Variants in TMEM178B observed in about 807,000 individuals in gnomAD.
TMEM178B encodes the protein transmembrane protein 178B.
A neutral mutation model predicts 31.0 loss-of-function variants in TMEM178B; 5 were observed. The ratio of observed to expected loss-of-function variants is 0.16; its 90% confidence interval spans 0.08 to 0.34. The LOEUF is 0.34. Ranked by LOEUF, TMEM178B falls within the 10% of genes least tolerant of loss-of-function variation. The pLI is 1.00. For synonymous variants in TMEM178B, 164 were observed against 164.0 expected, an observed-to-expected ratio of 1.00 and a Z score of 0.00; for missense variants, 275 against 400.3, an observed-to-expected ratio of 0.69 and a Z score of 2.67.
At position 141,074,165 on chromosome 7, in the gene TMEM178B, T is replaced by C. The variant is rs1456993164; in HGVS notation, c.-146T>C. On this transcript the variant is annotated 5_prime_UTR_variant, in exon 1 of 4. Transcript: ENST00000565468. This position sits in a 1 kb window ranked among gnomAD's most constrained non-coding sequence, Gnocchi z 5.1. ...CCGCAGTCCCCGGGCCGTGCTCCGG[T>C]AGGCGGGGGCCGAGGGGGCGCCGCG... is the stretch of plus-strand genomic sequence containing the variant. The C allele has an allele frequency of 3.0e-5, 36 of 1,212,296 alleles. No individual in the cohort carries two copies. Among genetic ancestry groups the C allele is most frequent in the Non-Finnish European group, 3.9e-5 (36 of 916,868 alleles). 75.1% of individuals were successfully genotyped at this position (1,212,296 alleles called of 1,614,324 possible).
At chr7:141,433,653 A>T (rs913448727) in intron 2 of TMEM178B, among the ~76,000 whole-genome samples, 1 of 151,844 alleles carries the variant, frequency 6.6e-6, no homozygotes, top group Non-Finnish European at 1.5e-5. Flanking sequence ...AATGCAGCTC[A>T]CTCTTCTTGT....
At chr7:141,356,353 C>T (rs1443014685) in intron 2 of TMEM178B, among the ~76,000 whole-genome samples, 4 of 150,540 alleles carry the variant, frequency 2.7e-5, no homozygotes. Context: ...TAAGCTTTCT[C>T]TTTTCTCTGA....
At chr7:141,451,571 C>G (rs2116704399) in intron 3 of TMEM178B, among the ~76,000 whole-genome samples, 1 of 152,244 alleles carries the variant, frequency 6.6e-6, no homozygotes, top group African/African-American at 2.4e-5. Context: ...GGCTGTGATC[C>G]TCAAACAGCT....
At chr7:141,139,755 C>G (rs971416466) in intron 1 of TMEM178B, among the ~76,000 whole-genome samples, 1 of 150,708 alleles carries the variant, frequency 6.6e-6, no homozygotes, top group South Asian at 2.1e-4. Flanking sequence ...TCTTGGTGAA[C>G]TTAGAATGAA....
intron 2 of TMEM178B, among the ~76,000 whole-genome samples, chr7:141,410,028 C>T (rs777626378): frequency 9.2e-5 from 14 of 152,328 alleles, no homozygotes; most frequent in Middle Eastern, 3.4e-3. Flanking sequence ...GGCCATGGGC[C>T]GCCTGTCTCC....
chr7:141,233,938 G>T (rs1201514963), intron 2 of TMEM178B, among the ~76,000 whole-genome samples: 6 of 152,184 alleles, frequency 3.9e-5, no homozygotes, highest in African/African-American at 1.4e-4. Flanking sequence ...TGCCATTTCA[G>T]ACTACTGATT....
intron 2 of TMEM178B, among the ~76,000 whole-genome samples, chr7:141,225,742 C>A (rs1349665130): frequency 2.0e-5 from 3 of 152,202 alleles, no homozygotes; most frequent in Admixed American, 6.5e-5. Flanking sequence ...ATACCCTCAA[C>A]TCCCATGATG....
intron 1 of TMEM178B, among the ~76,000 whole-genome samples, chr7:141,125,497 A>G (rs1279356541): frequency 6.6e-6 from 1 of 152,026 alleles, no homozygotes; most frequent in Non-Finnish European, 1.5e-5. Context: ...CCTGGACAAC[A>G]TGATGAAACC....
At chr7:141,188,885 C>G (rs928898666) in intron 1 of TMEM178B, among the ~76,000 whole-genome samples, 1 of 152,218 alleles carries the variant, frequency 6.6e-6, no homozygotes, top group Non-Finnish European at 1.5e-5. Flanking sequence ...TGAAAAGAGC[C>G]AGCGTTATTC....
chr7:141,362,726 C>G (rs544929460), intron 2 of TMEM178B, among the ~76,000 whole-genome samples: 2 of 152,174 alleles, frequency 1.3e-5, no homozygotes, highest in African/African-American at 2.4e-5. Context: ...TCTGGACATC[C>G]ATGACTAATT....
At chr7:141,379,023 G>A (rs1415278659) in intron 2 of TMEM178B, among the ~76,000 whole-genome samples, 1 of 152,142 alleles carries the variant, frequency 6.6e-6, no homozygotes, top group Non-Finnish European at 1.5e-5. Flanking sequence ...CTCTGCTTGG[G>A]GGAAGCACAG....
intron 2 of TMEM178B, among the ~76,000 whole-genome samples, chr7:141,304,186 A>C (rs770521827): frequency 2.6e-5 from 4 of 152,194 alleles, no homozygotes; most frequent in African/African-American, 4.8e-5. Flanking sequence ...TCGATTTTTT[A>C]AAAGCACTAC....
intron 2 of TMEM178B, among the ~76,000 whole-genome samples, chr7:141,381,466 T>C (rs1172231068): frequency 6.6e-6 from 1 of 152,214 alleles, no homozygotes; most frequent in Non-Finnish European, 1.5e-5. Context: ...GTTTGTTTTT[T>C]ATATTTCTTC....
intron 2 of TMEM178B, among the ~76,000 whole-genome samples, chr7:141,275,914 T>C (rs1307167441): frequency 6.6e-6 from 1 of 152,244 alleles, no homozygotes; most frequent in Admixed American, 6.5e-5. Context: ...CTACAATGGA[T>C]GTGTTCATGG....
chr7:141,172,466 A>G (rs1796364488), intron 1 of TMEM178B, among the ~76,000 whole-genome samples: 1 of 152,226 alleles, frequency 6.6e-6, no homozygotes, highest in Non-Finnish European at 1.5e-5. Context: ...AGTGAAGCAG[A>G]CAAAACAAGG....
intron 2 of TMEM178B, among the ~76,000 whole-genome samples, chr7:141,262,267 A>G (rs1223375393): frequency 6.6e-6 from 1 of 152,166 alleles, no homozygotes; most frequent in East Asian, 1.9e-4. Context: ...AGTGGAATCT[A>G]TAGAAAATCA....
intron 2 of TMEM178B, among the ~76,000 whole-genome samples, chr7:141,353,745 G>A (rs56216313): frequency 0.15 from 23,455 of 152,166 alleles, 1,887 homozygotes; most frequent in South Asian, 0.2. Context: ...TTAAGACAGT[G>A]ACCATATCTT....
At chr7:141,323,443 T>A (rs777938683) in intron 2 of TMEM178B, among the ~76,000 whole-genome samples, 1 of 152,262 alleles carries the variant, frequency 6.6e-6, no homozygotes, top group Non-Finnish European at 1.5e-5. Flanking sequence ...TGACTTAATA[T>A]GTGTTGTGAT....
At chr7:141,383,952 A>G (rs1446966156) in intron 2 of TMEM178B, among the ~76,000 whole-genome samples, 1 of 152,108 alleles carries the variant, frequency 6.6e-6, no homozygotes, top group African/African-American at 2.4e-5. Context: ...TTTGATTTGC[A>G]TTTCTCTGAT....
Sources: gnomAD v4.1 joint callset for allele counts (sites outside exome capture counted in the v4.1 genomes callset) on GRCh38, gnomAD v4.1.1 for gene constraint, Gnocchi (gnomAD v3.1) non-coding constraint, MANE v1.5 for transcripts, NCBI Gene and HGNC (gene_info 2026-07-23, HGNC 2026-07-21) for gene names.